Variants in SOX6 observed in about 807,000 individuals in gnomAD.
SOX6 encodes transcription factor SOX-6.
In SOX6, 11 loss-of-function variants were observed where a neutral mutation model predicts 97.8. The ratio of observed to expected loss-of-function variants is 0.11; its 90% confidence interval spans 0.07 to 0.19. SOX6 has a LOEUF of 0.19. Ranked by LOEUF, SOX6 falls within the 10% of genes least tolerant of loss-of-function variation. The pLI, the probability that SOX6 is intolerant of heterozygous loss-of-function variation, is 1.00. For synonymous variants in SOX6, 360 were observed against 371.4 expected (o/e 0.97, Z 0.35); for missense variants, 810 against 1,039.5 (o/e 0.78, Z 3.04).
intron 1 of SOX6, among the ~76,000 whole-genome samples, chr11:16,428,964 A>C (rs1304661800): frequency 6.6e-6 from 1 of 152,182 alleles, no homozygotes; most frequent in African/African-American, 2.4e-5. Flanking sequence ...ATGAGCATGG[A>C]ATGTTCTTCC....
intron 3 of SOX6, among the ~76,000 whole-genome samples, chr11:16,625,492 A>C (rs1848611695): frequency 6.6e-6 from 1 of 152,148 alleles, no homozygotes; most frequent in Non-Finnish European, 1.5e-5. Flanking sequence ...GGTTCCTAAC[A>C]ACAGAGTTCC....
intron 1 of SOX6, among the ~76,000 whole-genome samples, chr11:16,427,237 C>T (rs1859161344): frequency 6.6e-6 from 1 of 151,466 alleles, no homozygotes; most frequent in Non-Finnish European, 1.5e-5. Context: ...CAACAAAGAT[C>T]TAATATCCAG....
chr11:16,264,919 A>G (rs1854028564), intron 3 of SOX6: 1 of 151,806 alleles, frequency 6.6e-6, no homozygotes, highest in Non-Finnish European at 1.5e-5. Context: ...ATCAAGCAAC[A>G]AAGAGCAGTA....
intron 6 of SOX6, among the ~76,000 whole-genome samples, chr11:16,122,531 G>C (rs950824192): frequency 6.6e-6 from 1 of 151,964 alleles, no homozygotes; most frequent in Non-Finnish European, 1.5e-5. Context: ...ACCAAATTCA[G>C]ATATAAACCG....
At position 16,701,894 on chromosome 11, in the gene SOX6, A is replaced by G. The variant is rs1054002791; in HGVS notation, n.429+12936T>C. On this transcript the variant is annotated intron_variant and non_coding_transcript_variant, in intron 3 of 5. Transcript: ENST00000524520. Reference sequence around the variant, plus strand: ...GGGCGACAGAGCAAGACTCCGTCTCAAAAAAAAAAAGGATATGCAACTTTA... The same window carrying G: ...GGGCGACAGAGCAAGACTCCGTCTCGAAAAAAAAAAGGATATGCAACTTTA... Among the ~76,000 whole-genome samples, 3 of 145,040 alleles carry G rather than the reference A, an allele frequency of 2.1e-5. No individual in the cohort carries two copies. In the East Asian group the frequency reaches 6.0e-4, roughly 29 times the overall value.
At chr11:16,351,643 G>A (rs576579529) in intron 1 of SOX6, among the ~76,000 whole-genome samples, 1 of 151,968 alleles carries the variant, frequency 6.6e-6, no homozygotes, top group Admixed American at 6.6e-5. Flanking sequence ...TTCACTTATT[G>A]TTGCCTCCTA....
At chr11:16,321,139 A>C (rs1425505250) in intron 2 of SOX6, among the ~76,000 whole-genome samples, 2 of 152,146 alleles carry the variant, frequency 1.3e-5, no homozygotes, top group African/African-American at 4.8e-5. Flanking sequence ...AAAGCCATTT[A>C]AACCTCTTAA....
intron 3 of SOX6, among the ~76,000 whole-genome samples, chr11:16,257,866 CA>C (rs1853740534): frequency 6.6e-6 from 1 of 151,222 alleles, no homozygotes; most frequent in African/African-American, 2.4e-5. Flanking sequence ...AATAAGAAAA[CA>C]ACAATCCAAT....
At chr11:16,682,416 T>C (rs1590050332) in intron 3 of SOX6, among the ~76,000 whole-genome samples, 2 of 152,234 alleles carry the variant, frequency 1.3e-5, no homozygotes, top group Admixed American at 1.3e-4. Flanking sequence ...ATCCCTGGGA[T>C]GCAAGGCTGG....
chr11:16,032,151 T>C lies in SOX6; in HGVS notation c.1623+14363A>G, dbSNP rs1855394599. ...CAATCAATGAGCATTTTAGGCTCAGTGTTAGGGGAAGAGCAAAGAGTAAGA... is the reference window on the plus strand; with the variant it reads ...CAATCAATGAGCATTTTAGGCTCAGCGTTAGGGGAAGAGCAAAGAGTAAGA... On this transcript the variant is annotated intron_variant, in intron 12 of 15. Transcript: ENST00000683767. Among the ~76,000 whole-genome samples the C allele has an allele frequency of 2.0e-5, 3 of 152,176 alleles. No individual in the cohort carries two copies. In the South Asian group the frequency reaches 6.2e-4, roughly 32 times the overall value.
At chr11:16,310,223 A>G (rs903960495) in intron 3 of SOX6, among the ~76,000 whole-genome samples, 1 of 152,138 alleles carries the variant, frequency 6.6e-6, no homozygotes, top group African/African-American at 2.4e-5. Context: ...AGCAAATAGA[A>G]ATAACGAAGA....
intron 9 of SOX6, among the ~76,000 whole-genome samples, chr11:16,070,780 G>T (rs979158417): frequency 6.6e-6 from 1 of 152,090 alleles, no homozygotes; most frequent in Non-Finnish European, 1.5e-5. Context: ...CCCCTGGCGG[G>T]GGGGCACACT....
At chr11:16,502,935 G>A (rs1860730441) in intron 4 of SOX6, among the ~76,000 whole-genome samples, 1 of 152,158 alleles carries the variant, frequency 6.6e-6, no homozygotes, top group South Asian at 2.1e-4. Flanking sequence ...ACTGTCAAAA[G>A]TTAAAGAGAG....
At chr11:16,398,659 G>T (rs1383527932) in intron 1 of SOX6, among the ~76,000 whole-genome samples, 4 of 151,226 alleles carry the variant, frequency 2.6e-5, no homozygotes, top group Non-Finnish European at 5.9e-5. Context: ...ACTTACCCTA[G>T]ATTTTTTTTT....
At position 16,463,248 on chromosome 11, in the gene SOX6, AT is replaced by A. The variant is rs577051995; in HGVS notation, c.-5+13066del. ...ATTCATTCCTTCCTTGTCTTTATAT[AT>A]TTTTTGTTCATTTACTCATTCTTTC... On this transcript the variant is annotated intron_variant, in intron 1 of 15. Transcript: ENST00000396356. Among the ~76,000 whole-genome samples, 396 of 152,102 alleles carry A rather than the reference AT, an allele frequency of 2.6e-3. 1 individual carries two copies. Among genetic ancestry groups the A allele is most frequent in the Non-Finnish European group, 2.6e-3 (180 of 67,986 alleles).
rs371671552 is a variant in SOX6, at chr11:16,257,928, T to G, written c.446-23257A>C. ...GACACCACCAAAGAAGATACACAGA[T>G]GCAAGTAAACATATGAAAAGATGTC... On this transcript the variant is annotated intron_variant, in intron 3 of 15. Transcript: ENST00000683767. Among the ~76,000 whole-genome samples the G allele has an allele frequency of 1.4e-3, 215 of 152,020 alleles. 2 individuals are homozygous for G. The highest frequency in any genetic ancestry group is 4.8e-3 in the African/African-American group (198 of 41,538).
rs1042880879 is a variant in SOX6 at position 15,991,781 on chromosome 11, T to C, written c.1733-2551A>G. Among the ~76,000 whole-genome samples, 4 of 152,316 alleles carry C rather than the reference T, an allele frequency of 2.6e-5. No homozygotes were observed. The South Asian group carries it at 8.3e-4, about 32-fold the overall frequency. ...GAGATCATAGTGGATTTTTAGATGC[T>C]GGCTTTGGTATAAACATTCTAGATT... is the stretch of plus-strand genomic sequence containing the variant. On this transcript the variant is annotated intron_variant, in intron 13 of 15. Transcript: ENST00000683767.
chr11:16,623,541 G>T (rs1488618633), intron 3 of SOX6, among the ~76,000 whole-genome samples: 1 of 152,068 alleles, frequency 6.6e-6, no homozygotes, highest in Non-Finnish European at 1.5e-5. Context: ...TGTGTTTTTT[G>T]TTGTGCAGAA....
rs147527194 is a variant in SOX6, at chr11:15,976,563, T to C, written c.2184-3451A>G. Among the ~76,000 whole-genome samples the C allele has an allele frequency of 2.6e-3, 391 of 152,066 alleles. 3 individuals carry two copies. The highest frequency in any genetic ancestry group is 8.9e-3 in the African/African-American group (369 of 41,400). On this transcript the variant is annotated intron_variant, in intron 15 of 15. Transcript: ENST00000683767. ...ACCAAGGAAATGACAAGGTAATGCTTTGGACTCTCCGTGAGTGCCAGCCCA... is the reference window on the plus strand; with the variant it reads ...ACCAAGGAAATGACAAGGTAATGCTCTGGACTCTCCGTGAGTGCCAGCCCA...
Sources: allele counts gnomAD v4.1 joint callset (sites outside exome capture counted in the v4.1 genomes callset), GRCh38; gene constraint gnomAD v4.1.1; transcripts MANE v1.5; gene names NCBI Gene and HGNC (gene_info 2026-07-23, HGNC 2026-07-21).